The following NTRK3 variants were observed in gnomAD, a reference collection of about 807,000 sequenced individuals.
NTRK3 encodes the protein neurotrophic receptor tyrosine kinase 3, also known as NT-3 growth factor receptor.
NTRK3 carries 24 observed loss-of-function variants against 91.7 expected under a neutral mutation model. The observed-to-expected ratio is 0.26, with a 90% CI of 0.19 to 0.37. The LOEUF (loss-of-function observed/expected upper bound fraction) is 0.37, where lower values mean the gene tolerates loss of function less well. Among genes scored for constraint, NTRK3 ranks in the 10% least tolerant of loss-of-function variants. The probability of loss-of-function intolerance (pLI) is 1.00; values close to 1 mark genes in which losing one functional copy is unlikely to be tolerated. For missense variants in NTRK3, 880 were observed against 1,068.9 expected (o/e 0.82, Z 2.46); for synonymous variants, 483 against 404.0 (o/e 1.20, Z -2.34).
intron 14 of NTRK3, among the ~76,000 whole-genome samples, chr15:88,026,246 G>C (rs1349891754): frequency 2.0e-5 from 3 of 152,118 alleles, no homozygotes; most frequent in Non-Finnish European, 4.4e-5. Context: ...ACTCCAGCCT[G>C]GGCGACAGAG....
intron 13 of NTRK3, among the ~76,000 whole-genome samples, chr15:88,113,923 T>G (rs1434939373): frequency 1.3e-5 from 2 of 152,210 alleles, no homozygotes; most frequent in Non-Finnish European, 2.9e-5. Context: ...CAGCCTGTTT[T>G]TTAAGAATGC....
At chr15:88,131,396 C>T (rs944961454) in intron 10 of NTRK3, among the ~76,000 whole-genome samples, 1 of 152,202 alleles carries the variant, frequency 6.6e-6, no homozygotes, top group African/African-American at 2.4e-5. Context: ...GAAAGCCTTA[C>T]TTATGGTACA....
At chr15:88,079,203 T>G (rs1171066025) in intron 13 of NTRK3, among the ~76,000 whole-genome samples, 1 of 152,144 alleles carries the variant, frequency 6.6e-6, no homozygotes, top group Non-Finnish European at 1.5e-5. Flanking sequence ...CGTGACACAG[T>G]TTGAAGTCAG....
At chr15:88,192,107 A>G (rs1434861960) in intron 3 of NTRK3, among the ~76,000 whole-genome samples, 1 of 152,238 alleles carries the variant, frequency 6.6e-6, no homozygotes, top group Non-Finnish European at 1.5e-5. Context: ...AGACGACAGC[A>G]TCTGTGCTGG....
chr15:88,194,902 G>A (rs1187505029), intron 3 of NTRK3, among the ~76,000 whole-genome samples: 3 of 151,972 alleles, frequency 2.0e-5, no homozygotes, highest in African/African-American at 4.8e-5. Flanking sequence ...TTTTTCCCTC[G>A]GCCAAGACAG....
chr15:88,126,166 C>A (rs113395516), intron 13 of NTRK3, 105 bp downstream of exon 13: 1 of 828,850 alleles, frequency 1.2e-6, no homozygotes. Flanking sequence ...ACCCCATGAC[C>A]GGAGGCCCTC....
chr15:87,931,173 T>C (rs763404522), intron 16 of NTRK3: 5 of 515,268 alleles, frequency 9.7e-6, no homozygotes, highest in Non-Finnish European at 1.5e-5. Context: ...TGTATGACAG[T>C]AGTGCAGAGG....
intron 15 of NTRK3, among the ~76,000 whole-genome samples, chr15:87,937,668 A>G (rs2069423357): frequency 6.6e-6 from 1 of 152,206 alleles, no homozygotes. Context: ...CTGAAGATAA[A>G]TCAATTTTAT....
chr15:88,077,320 T>C (rs1442494984), intron 13 of NTRK3, among the ~76,000 whole-genome samples: 5 of 152,098 alleles, frequency 3.3e-5, no homozygotes, highest in Non-Finnish European at 7.3e-5. Context: ...ATGTTTTATC[T>C]TGAGTCACGA....
At chr15:87,947,474 C>T in intron 14 of NTRK3, among the ~76,000 whole-genome samples, 1 of 152,160 alleles carries the variant, frequency 6.6e-6, no homozygotes, top group East Asian at 1.9e-4. Flanking sequence ...ATCCTGGAAC[C>T]TATTCTTCCT....
chr15:88,239,029 T>C (rs1003953339), intron 3 of NTRK3, among the ~76,000 whole-genome samples: 1 of 152,230 alleles, frequency 6.6e-6, no homozygotes, highest in African/African-American at 2.4e-5. Context: ...CTATATACAC[T>C]GCCAGGCCTG....
chr15:87,911,972 C>T (rs533363794), intron 17 of NTRK3, among the ~76,000 whole-genome samples: 1 of 152,268 alleles, frequency 6.6e-6, no homozygotes, highest in South Asian at 2.1e-4. Flanking sequence ...AAAACAATTA[C>T]TTCTTGCAAC....
chr15:87,950,130 C>G (rs1400938282), intron 14 of NTRK3, among the ~76,000 whole-genome samples: 2 of 152,200 alleles, frequency 1.3e-5, no homozygotes. Context: ...CTCACCAGAA[C>G]ACGCAGAGCA....
chr15:88,072,965 C>A (rs558160048), intron 13 of NTRK3: 19 of 215,808 alleles, frequency 8.8e-5, no homozygotes, highest in African/African-American at 4.3e-4. Context: ...TTTATTCAAT[C>A]CTCACAACAA....
chr15:88,118,891 A>G (rs1405912866), intron 13 of NTRK3, among the ~76,000 whole-genome samples: 1 of 152,142 alleles, frequency 6.6e-6, no homozygotes, highest in Non-Finnish European at 1.5e-5. Flanking sequence ...TGCTGCCAAC[A>G]CTCAATGAAT....
At chr15:87,989,891 G>A (rs1304789444) in intron 14 of NTRK3, among the ~76,000 whole-genome samples, 2 of 142,818 alleles carry the variant, frequency 1.4e-5, no homozygotes, top group Admixed American at 7.0e-5. Flanking sequence ...ACAGGTGTGA[G>A]CCATCATGCC....
chr15:88,171,373 T>C (rs2045502596), intron 5 of NTRK3, among the ~76,000 whole-genome samples: 1 of 152,144 alleles, frequency 6.6e-6, no homozygotes, highest in Non-Finnish European at 1.5e-5. Flanking sequence ...ATAGAAGACA[T>C]GGAGGGTCTC....
chr15:88,007,255 A>C (rs2076560411), intron 14 of NTRK3, among the ~76,000 whole-genome samples: 1 of 152,200 alleles, frequency 6.6e-6, no homozygotes, highest in Admixed American at 6.5e-5. Flanking sequence ...AAAGAACTGA[A>C]GTGACTAGTC....
chr15:88,179,624 A>G (rs1474663866), intron 5 of NTRK3, among the ~76,000 whole-genome samples: 3 of 152,220 alleles, frequency 2.0e-5, no homozygotes, highest in Non-Finnish European at 4.4e-5. Context: ...GAGCCATGCC[A>G]GAGAAAACAC....
Sources: allele counts gnomAD v4.1 joint callset (sites outside exome capture counted in the v4.1 genomes callset), GRCh38; gene constraint gnomAD v4.1.1; transcripts MANE v1.5; gene names NCBI Gene and HGNC (gene_info 2026-07-23, HGNC 2026-07-21).